KCNK2: variants seen among roughly 807,000 people sequenced by gnomAD.
The protein encoded by KCNK2 is potassium two pore domain channel subfamily K member 2.
KCNK2 carries 21 observed loss-of-function variants against 40.5 expected under a neutral mutation model. The observed-to-expected ratio is 0.52, with a 90% CI of 0.37 to 0.75. The LOEUF is 0.75. Ranked by LOEUF, KCNK2 falls within the 30% of genes least tolerant of loss-of-function variation. The pLI, the probability that KCNK2 is intolerant of heterozygous loss-of-function variation, is 0.00. For synonymous variants in KCNK2, 191 were observed against 202.2 expected (o/e 0.94, Z 0.47); for missense variants, 399 against 531.6 (o/e 0.75, Z 2.45).
chr1:215,099,295 A>G (rs1214562861), intron 2 of KCNK2, among the ~76,000 whole-genome samples: 1 of 151,930 alleles, frequency 6.6e-6, no homozygotes, highest in Non-Finnish European at 1.5e-5. Flanking sequence ...TTAGTTTGCT[A>G]AGAATAATGG....
intron 6 of KCNK2, among the ~76,000 whole-genome samples, chr1:215,216,960 T>G (rs983989884): frequency 6.6e-6 from 1 of 152,210 alleles, no homozygotes; most frequent in African/African-American, 2.4e-5. Context: ...TGATATAGAT[T>G]GTGTTTCTCC....
intron 1 of KCNK2, among the ~76,000 whole-genome samples, chr1:215,054,449 A>G (rs560784867): frequency 1.3e-5 from 2 of 152,272 alleles, no homozygotes; most frequent in South Asian, 4.2e-4. Flanking sequence ...ATGAGTATAA[A>G]AGGTGCCACA....
intron 3 of KCNK2, among the ~76,000 whole-genome samples, chr1:215,137,798 T>C (rs913852582): frequency 3.3e-5 from 5 of 152,206 alleles, no homozygotes; most frequent in African/African-American, 9.7e-5. Context: ...GCAAATAAAA[T>C]TTCTCATTTT....
intron 6 of KCNK2, among the ~76,000 whole-genome samples, chr1:215,225,691 C>T (rs1047531581): frequency 2.6e-5 from 4 of 152,130 alleles, no homozygotes; most frequent in African/African-American, 7.2e-5. Flanking sequence ...ATGTTGGGTA[C>T]TTTTATGAGG....
chr1:215,229,894 C>T (rs1442082657), intron 6 of KCNK2, among the ~76,000 whole-genome samples: 3 of 151,372 alleles, frequency 2.0e-5, no homozygotes, highest in African/African-American at 7.3e-5. Flanking sequence ...ATGTTTAGGC[C>T]TTAGAAGTAA....
chr1:215,103,995 T>C (rs1660329642), intron 2 of KCNK2, among the ~76,000 whole-genome samples: 1 of 151,984 alleles, frequency 6.6e-6, no homozygotes, highest in East Asian at 1.9e-4. Context: ...CTGGGATGAG[T>C]GTTTTTGAGT....
chr1:215,014,731 A>G (rs1656527198), intron 1 of KCNK2, among the ~76,000 whole-genome samples: 2 of 152,092 alleles, frequency 1.3e-5, no homozygotes, highest in Non-Finnish European at 2.9e-5. Context: ...TACTTATACA[A>G]GGAGACCATC....
chr1:215,100,137 C>T (rs1660145541), intron 2 of KCNK2, among the ~76,000 whole-genome samples: 1 of 151,786 alleles, frequency 6.6e-6, no homozygotes, highest in African/African-American at 2.4e-5. Flanking sequence ...GCAGAGGTAC[C>T]TCATTTATCT....
chr1:215,028,688 C>A (rs1292421999), intron 1 of KCNK2, among the ~76,000 whole-genome samples: 6 of 152,066 alleles, frequency 3.9e-5, no homozygotes, highest in African/African-American at 1.2e-4. Context: ...ATGCACAAAT[C>A]ATAAAGGTAC....
At chr1:215,126,269 T>C (rs1314708462) in intron 3 of KCNK2, among the ~76,000 whole-genome samples, 2 of 152,120 alleles carry the variant, frequency 1.3e-5, no homozygotes, top group African/African-American at 4.8e-5. Flanking sequence ...AAATACATAC[T>C]TTAGCATGCT....
intron 6 of KCNK2, among the ~76,000 whole-genome samples, chr1:215,226,556 A>T (rs10864165): frequency 6.6e-6 from 1 of 151,814 alleles, no homozygotes; most frequent in Non-Finnish European, 1.5e-5. Flanking sequence ...CAATCTCCTG[A>T]CCTCGCGATT....
At chr1:215,068,339 A>G (rs963972177) in intron 1 of KCNK2, among the ~76,000 whole-genome samples, 2 of 152,172 alleles carry the variant, frequency 1.3e-5, no homozygotes, top group African/African-American at 4.8e-5. Context: ...CAGTATATGA[A>G]GAATATAATG....
At chr1:215,148,216 A>G (rs1309588151) in intron 3 of KCNK2, among the ~76,000 whole-genome samples, 1 of 149,490 alleles carries the variant, frequency 6.7e-6, no homozygotes, top group Non-Finnish European at 1.5e-5. Context: ...AGCTACTGGG[A>G]CTGCAGGTGC....
At chr1:215,229,207 CTT>C (rs201225142) in intron 6 of KCNK2, among the ~76,000 whole-genome samples, 84 of 129,844 alleles carry the variant, frequency 6.5e-4, no homozygotes, top group East Asian at 1.1e-3. Flanking sequence ...GATTGTTTTT[CTT>C]TTTTTTTTTT....
chr1:215,152,345 T>G (rs1662722128), intron 3 of KCNK2, among the ~76,000 whole-genome samples: 1 of 152,112 alleles, frequency 6.6e-6, no homozygotes, highest in Admixed American at 6.5e-5. Context: ...AAAAACAGTT[T>G]CCTCTCCACT....
chr1:215,230,558 C>CTA (rs1666613066), intron 6 of KCNK2, among the ~76,000 whole-genome samples: 3 of 46,628 alleles, frequency 6.4e-5, no homozygotes, highest in African/African-American at 9.7e-5. Context: ...CACATAACAG[C>CTA]CATATATATA....
chr1:215,059,029 ATGTG>A (rs965003980), intron 1 of KCNK2, among the ~76,000 whole-genome samples: 1 of 150,938 alleles, frequency 6.6e-6, no homozygotes, highest in Non-Finnish European at 1.5e-5. Context: ...GTATGTATGT[ATGTG>A]TGTGTGTATG....
chr1:215,023,627 A>C (rs139330403), intron 1 of KCNK2, among the ~76,000 whole-genome samples: 1 of 152,368 alleles, frequency 6.6e-6, no homozygotes, highest in East Asian at 1.9e-4. Flanking sequence ...GCTAAAGTCC[A>C]GCAACCAGTG....
chr1:215,222,596 G>T (rs1260825412), intron 6 of KCNK2, among the ~76,000 whole-genome samples: 3 of 152,066 alleles, frequency 2.0e-5, no homozygotes, highest in African/African-American at 7.2e-5. Flanking sequence ...ACATTAAGAA[G>T]TAGAGAAATT....
Sources: allele counts gnomAD v4.1 joint callset (sites outside exome capture counted in the v4.1 genomes callset), GRCh38; gene constraint gnomAD v4.1.1; transcripts MANE v1.5; gene names NCBI Gene and HGNC (gene_info 2026-07-23, HGNC 2026-07-21).